Variants in RNF213 observed in about 807,000 individuals in gnomAD.
The protein encoded by RNF213 is E3 ubiquitin-protein ligase RNF213.
RNF213 carries 341 observed loss-of-function variants against 514.4 expected under a neutral mutation model. That is an observed-to-expected ratio of 0.66 (90% CI 0.61 to 0.73). The LOEUF is 0.73. Ranked by LOEUF, RNF213 falls within the 30% of genes least tolerant of loss-of-function variation. The probability of loss-of-function intolerance (pLI) is 0.00; values close to 1 mark genes in which losing one functional copy is unlikely to be tolerated. For missense variants in RNF213, 5,767 were observed against 6,615.6 expected (o/e 0.87, Z 4.45); for synonymous variants, 2,655 against 2,658.2 (o/e 1.00, Z 0.04).
At chr17:80,357,650 G>T (rs1261381234) in intron 36 of RNF213, among the ~76,000 whole-genome samples, 1 of 152,066 alleles carries the variant, frequency 6.6e-6, no homozygotes, top group East Asian at 1.9e-4. Context: ...CTGAAAAATA[G>T]TTACATACAA....
chr17:80,349,054 TACTC>T (rs2078410731), intron 29 of RNF213, among the ~76,000 whole-genome samples: 1 of 152,024 alleles, frequency 6.6e-6, no homozygotes, highest in African/African-American at 2.4e-5. Context: ...AACCGAGAGA[TACTC>T]AGGAGGCAAT....
At chr17:80,389,487 C>A in intron 65 of RNF213, 120 bp downstream of exon 65, 2 of 860,524 alleles carry the variant, frequency 2.3e-6, no homozygotes, top group Non-Finnish European at 3.8e-6. Flanking sequence ...GATGGGGAGA[C>A]AAGAACAACT....
intron 11 of RNF213, 85 bp downstream of exon 11, chr17:80,298,603 A>G (rs1410348739): frequency 4.2e-5 from 58 of 1,387,328 alleles, no homozygotes; most frequent in Non-Finnish European, 5.1e-5. Flanking sequence ...TGGGCTCTGC[A>G]GTGACTCCAT....
intron 13 of RNF213, among the ~76,000 whole-genome samples, chr17:80,307,994 G>A (rs949342094): frequency 9.9e-5 from 15 of 151,658 alleles, no homozygotes; most frequent in East Asian, 5.8e-4. Flanking sequence ...CCTGGTGGGC[G>A]TTCTGCATTT....
chr17:80,319,172 C>A lies in RNF213; in HGVS notation c.2902-18C>A, dbSNP rs776612185. ...TGCATCCGAAAGCTCTGAAACCACC[C>A]CCCTTTGATTTTTGCAGGAGGAACC... On this transcript the variant is annotated intron_variant, in intron 16 of 67. Coordinates refer to ENST00000582970, the MANE Select transcript of RNF213 (RefSeq NM_001256071.3). The A allele has an allele frequency of 1.2e-6, 2 of 1,614,150 alleles. No homozygotes were observed. Among genetic ancestry groups the A allele is most frequent in the African/African-American group, 2.7e-5 (2 of 75,056 alleles).
At chr17:80,368,649 T>A (rs1354611195) in intron 44 of RNF213, among the ~76,000 whole-genome samples, 1 of 152,132 alleles carries the variant, frequency 6.6e-6, no homozygotes, top group Admixed American at 6.5e-5. Context: ...GCCAGGCTGG[T>A]CTCGAACTCC....
At position 80,328,354 on chromosome 17, in the gene RNF213, GAAC is replaced by G. The variant is rs1241739558; in HGVS notation, c.3397_3399del (p.Gln1133del). On this transcript the variant is annotated inframe_deletion, in exon 20 of 68. Coordinates refer to ENST00000582970, the MANE Select transcript of RNF213 (RefSeq NM_001256071.3). ...GGAAAAAAGTCTTTCACCCCAGGAT[GAAC>G]AATGTGCTGTGGAGGAAGCACTGGA... The G allele has an allele frequency of 1.8e-5, 28 of 1,536,844 alleles. No individual in the cohort carries two copies. The highest frequency in any genetic ancestry group is 3.9e-5 in the Admixed American group (2 of 50,920).
intron 36 of RNF213, 33 bp downstream of exon 36, chr17:80,354,609 C>T: frequency 6.2e-7 from 1 of 1,613,504 alleles, no homozygotes; most frequent in Non-Finnish European, 8.5e-7. Flanking sequence ...GGAGTGGCTC[C>T]AATCTGGTGG....
At chr17:80,352,474 T>G in intron 32 of RNF213, 1 of 475,524 alleles carries the variant, frequency 2.1e-6, no homozygotes, top group Non-Finnish European at 3.7e-6. Flanking sequence ...GGTCGGACTA[T>G]CTTCAGATCT....
intron 3 of RNF213, among the ~76,000 whole-genome samples, chr17:80,276,471 G>A (rs779158777): frequency 1.3e-5 from 2 of 151,942 alleles, no homozygotes; most frequent in Non-Finnish European, 2.9e-5. Context: ...GTAAAATGTA[G>A]AGTTGACACA....
chr17:80,361,977 T>G, intron 39 of RNF213, 89 bp downstream of exon 39: 1 of 1,427,378 alleles, frequency 7.0e-7, no homozygotes, highest in Non-Finnish European at 9.8e-7. Flanking sequence ...CTCAGCTGCC[T>G]GGAGCTGGTG....
In RNF213 at chr17:80,331,961, A is replaced by T. The variant is rs138164993; in HGVS notation, c.3518-45A>T. 9.8e-5 allele frequency: 148 copies of T among 1,508,594 alleles called. 1 individual carries two copies. The highest frequency in any genetic ancestry group is 8.1e-4 in the African/African-American group (58 of 71,944). 93.5% of individuals were successfully genotyped at this position (1,508,594 alleles called of 1,614,324 possible). A position where few individuals can be genotyped will look rare whatever the true frequency, so the allele number is the denominator to read the frequency against. ...TAGGAAAGTGAAATAAAATGGAATC[A>T]TGATTAGAGCTTTGACTTCTGACAC... On this transcript the variant is annotated intron_variant, in intron 20 of 67. Coordinates refer to ENST00000582970, the MANE Select transcript of RNF213 (RefSeq NM_001256071.3).
intron 17 of RNF213, among the ~76,000 whole-genome samples, chr17:80,324,563 T>C (rs1015083258): frequency 2.5e-5 from 2 of 80,848 alleles, no homozygotes; most frequent in African/African-American, 1.2e-4. Flanking sequence ...ACAGAAACTT[T>C]GAACCTAAAG....
intron 8 of RNF213, among the ~76,000 whole-genome samples, chr17:80,293,744 G>A (rs561058461): frequency 1.5e-4 from 23 of 152,082 alleles, no homozygotes; most frequent in Admixed American, 2.6e-4. Context: ...GGAGAATGGC[G>A]TGAACCCGGG....
chr17:80,277,196 T>C (rs1415781731), intron 3 of RNF213, among the ~76,000 whole-genome samples: 1 of 151,982 alleles, frequency 6.6e-6, no homozygotes, highest in Non-Finnish European at 1.5e-5. Flanking sequence ...TGATATGAAA[T>C]ATCCACGATA....
chr17:80,298,579 A>AC (rs1201737472), intron 11 of RNF213, 61 bp downstream of exon 11: 1 of 1,585,118 alleles, frequency 6.3e-7, no homozygotes, highest in African/African-American at 1.3e-5. Context: ...TACATTGTGC[A>AC]CCCGGAGTCC....
At chr17:80,313,408 T>G (rs2045637510) in intron 15 of RNF213, among the ~76,000 whole-genome samples, 1 of 151,864 alleles carries the variant, frequency 6.6e-6, no homozygotes, top group African/African-American at 2.4e-5. Flanking sequence ...GCACAGTCCC[T>G]GTGGTGATGG....
chr17:80,320,214 A>G (rs957915906), intron 17 of RNF213: 5 of 159,930 alleles, frequency 3.1e-5, no homozygotes, highest in African/African-American at 1.2e-4. Context: ...CTGCAGGCAT[A>G]AACAATTGCT....
At chr17:80,267,338 G>C (rs747455758) in intron 2 of RNF213, among the ~76,000 whole-genome samples, 1 of 152,094 alleles carries the variant, frequency 6.6e-6, no homozygotes, top group African/African-American at 2.4e-5. Context: ...CTACTCGGGA[G>C]GCTGAGGCAG....
Sources: gnomAD v4.1 joint callset for allele counts (sites outside exome capture counted in the v4.1 genomes callset) on GRCh38, gnomAD v4.1.1 for gene constraint, MANE v1.5 for transcripts, NCBI Gene and HGNC (gene_info 2026-07-23, HGNC 2026-07-21) for gene names.